The following MYBPC2 variants were observed in gnomAD, a reference collection of about 807,000 sequenced individuals.
The protein encoded by MYBPC2 is myosin binding protein C2, also known as myosin-binding protein C, fast-type.
MYBPC2 carries 122 observed loss-of-function variants against 137.0 expected under a neutral mutation model. The ratio of observed to expected loss-of-function variants is 0.89; its 90% CI spans 0.77 to 1.03. The LOEUF (loss-of-function observed/expected upper bound fraction) is 1.03, where lower values mean the gene tolerates loss of function less well. Ranked by LOEUF, MYBPC2 falls within the 50% of genes least tolerant of loss-of-function variation. MYBPC2 has a pLI of 0.00. For missense variants in MYBPC2, 1,500 were observed against 1,534.4 expected, an observed-to-expected ratio of 0.98 and a Z score of 0.37; for synonymous variants, 626 against 612.3, an observed-to-expected ratio of 1.02 and a Z score of -0.33.
chr19:50,439,471 T>C (rs1601282351), intron 7 of MYBPC2, among the ~76,000 whole-genome samples: 1 of 152,188 alleles, frequency 6.6e-6, no homozygotes, highest in Admixed American at 6.6e-5. Flanking sequence ...CCAAGCTCCA[T>C]CCATGCATTC....
intron 16 of MYBPC2, among the ~76,000 whole-genome samples, chr19:50,452,528 C>G (rs1568664680): frequency 2.6e-5 from 4 of 151,454 alleles, no homozygotes; most frequent in Non-Finnish European, 4.4e-5. Flanking sequence ...ATCTATCTAT[C>G]TATCTATCTA....
intron 9 of MYBPC2, among the ~76,000 whole-genome samples, chr19:50,443,251 A>G (rs2122587368): frequency 6.6e-6 from 1 of 152,174 alleles, no homozygotes; most frequent in East Asian, 1.9e-4. Context: ...TGGACCCAGG[A>G]AGTCTAGGTT....
intron 7 of MYBPC2, 34 bp from the exon 8 acceptor site, chr19:50,440,846 C>A: frequency 6.3e-7 from 1 of 1,583,012 alleles, no homozygotes; most frequent in Admixed American, 1.8e-5. Flanking sequence ...TTCCTCACTC[C>A]CTGATGGCCC....
At position 50,435,045 on chromosome 19, in the gene MYBPC2, G is replaced by A; in HGVS notation, c.20-116G>A. 2 of 674,620 alleles carry A rather than the reference G, an allele frequency of 3.0e-6. No homozygotes were observed. Among genetic ancestry groups the A allele is most frequent in the South Asian group, 1.6e-5 (1 of 63,862 alleles). The allele number at this position is 674,620 out of a possible 1,614,324, so 41.8% of individuals were successfully genotyped here. ...GGGTCTGAGGGAGGAGGGGCTGGGG[G>A]CCTGGACTCCTGGGTCTGAGGGAGG... On this transcript the variant is annotated intron_variant, in intron 1 of 27. Transcript: ENST00000357701. This position sits in a 1 kb window ranked among gnomAD's most constrained non-coding sequence, Gnocchi z 4.8.
At chr19:50,459,043 T>C in intron 22 of MYBPC2, 37 bp downstream of exon 22, 2 of 1,574,466 alleles carry the variant, frequency 1.3e-6, no homozygotes, top group Non-Finnish European at 1.7e-6. Flanking sequence ...GGGTCCGCTC[T>C]CGCCGCAAGC....
At chr19:50,449,954 G>C (rs75146873) in intron 13 of MYBPC2, among the ~76,000 whole-genome samples, 9,354 of 152,036 alleles carry the variant, frequency 0.062, 369 homozygotes, top group East Asian at 0.15. Flanking sequence ...TCAGGAGTTC[G>C]AGACCAGCCT....
chr19:50,446,986 TAAAAAAAA>T (rs529228553), intron 12 of MYBPC2, among the ~76,000 whole-genome samples: 1 of 130,042 alleles, frequency 7.7e-6, no homozygotes, highest in Non-Finnish European at 1.6e-5. Flanking sequence ...GACTCCGTCT[TAAAAAAAA>T]AAAAAAAAAA....
Position 50,435,893 on chromosome 19 carries a change from G to T in MYBPC2, c.196+31G>T, listed in dbSNP as rs763378971. 6 of 1,559,412 alleles carry T rather than the reference G, an allele frequency of 3.8e-6. No individual in the cohort carries two copies. The highest frequency in any genetic ancestry group is 5.2e-6 in the Non-Finnish European group (6 of 1,149,770). On this transcript the variant is annotated intron_variant, in intron 3 of 27. Coordinates refer to ENST00000357701, the MANE Select transcript of MYBPC2 (RefSeq NM_004533.4). The surrounding 1 kb of genome is among the most constrained non-coding windows in gnomAD (Gnocchi z 4.8). The stretch of plus-strand genomic sequence containing the variant: ...GGGAACCCGGGGGAGGAGGGGCTGC[G>T]GCCCGGACTCCTGGGTCTGAGGGAG...
In MYBPC2 at chr19:50,460,140, C is replaced by A; in HGVS notation, c.2892C>A (p.Ile964=). The A allele has an allele frequency of 6.3e-7, 1 of 1,590,568 alleles. No individual in the cohort carries two copies. Among genetic ancestry groups the A allele is most frequent in the Admixed American group, 1.8e-5 (1 of 55,556 alleles). Residue 964 remains isoleucine (I), a synonymous_variant, in exon 24 of 28, where the codon ATC becomes ATA. Transcript: ENST00000357701. ...CCAAAGATGATGGGAACAGTGAGATCATGGGGTATTTCGTCCAGAAAGCAG... is the reference window on the plus strand; with the variant it reads ...CCAAAGATGATGGGAACAGTGAGATAATGGGGTATTTCGTCCAGAAAGCAG... ...QAPKDDGNSE[I]MGYFVQKADK...
At chr19:50,451,056 G>A (rs1369603283) in intron 14 of MYBPC2, 121 bp downstream of exon 14, 25 of 1,050,850 alleles carry the variant, frequency 2.4e-5, no homozygotes, top group South Asian at 3.0e-5. Context: ...GACAGCAAGC[G>A]TCTGTCCCGC....
Position 50,440,874 on chromosome 19 carries a change from C to T in MYBPC2, c.573-6C>T, listed in dbSNP as rs371787098. ...GATGGCCCCTGTCCGTTCCCCCACC[C>T]GCCAGGGAGGTGGTGGAGGAGGAGA... On this transcript the variant is annotated splice_region_variant and splice_polypyrimidine_tract_variant and intron_variant, in intron 7 of 27. Transcript: ENST00000357701. 50 of 1,609,934 alleles carry T rather than the reference C, an allele frequency of 3.1e-5. No homozygotes were observed. In the East Asian group the frequency reaches 4.9e-4, roughly 16 times the overall value.
At chr19:50,445,825 C>G (rs2039798552) in intron 11 of MYBPC2, 55 bp from the exon 12 acceptor site, 2 of 1,523,664 alleles carry the variant, frequency 1.3e-6, no homozygotes, top group Admixed American at 4.0e-5. Context: ...CTCCAAGACC[C>G]AGACCGAGAG....
chr19:50,432,986 C>G lies in MYBPC2; in HGVS notation c.19+14C>G. ...AGGCAAAACCAGGTGGCGCCAGGAC[C>G]CCCTCCCTGTGTGGGGATGGGGCTC... On this transcript the variant is annotated intron_variant, in intron 1 of 27. Coordinates refer to ENST00000357701, the MANE Select transcript of MYBPC2 (RefSeq NM_004533.4). This position sits in a 1 kb window ranked among gnomAD's most constrained non-coding sequence, Gnocchi z 5.5. The G allele has an allele frequency of 6.3e-7, 1 of 1,593,254 alleles. No homozygotes were observed. Among genetic ancestry groups the G allele is most frequent in the Middle Eastern group, 1.9e-4 (1 of 5,350 alleles).
chr19:50,440,681 A>AAAC, intron 7 of MYBPC2, among the ~76,000 whole-genome samples, 199 bp from the exon 8 acceptor site: 2 of 151,424 alleles, frequency 1.3e-5, no homozygotes, highest in African/African-American at 4.9e-5. Flanking sequence ...AAAAAACCAA[A>AAAC]AAACCCAGTG....
chr19:50,459,231 G>A lies in MYBPC2; in HGVS notation c.2716G>A (p.Asp906Asn), dbSNP rs1305300844. The change falls in exon 23 of 28, where the codon GAC (aspartate) becomes AAC (asparagine). Residue 906 changes from aspartate to asparagine, a missense_variant. Physicochemically the swap from Asp to Asn is conservative, Grantham distance 23. Coordinates refer to ENST00000357701, the MANE Select transcript of MYBPC2 (RefSeq NM_004533.4). ...CTTCGTGCGCCAGGCGGCCCGCTCC[G>A]ACTCCGGGGAGTACGAGCTGAGCGT... ...VFFVRQAARS[D>N]SGEYELSVQI... 1 of 1,611,412 alleles carries A rather than the reference G, an allele frequency of 6.2e-7. No homozygotes were observed. The highest frequency in any genetic ancestry group is 8.5e-7 in the Non-Finnish European group (1 of 1,179,566).
Position 50,443,817 on chromosome 19 carries a change from GTAA to G in MYBPC2, c.1133+2_1133+4del. On this transcript the variant is annotated splice_donor_variant and splice_donor_region_variant and intron_variant, in intron 11 of 27. Transcript: ENST00000357701. LOFTEE classifies it high-confidence loss of function. ...CAGAAGAGGGTGCCCAGGTGATGTG[GTAA>G]GTGACCCTTGATCCCTGATCTCCAT... 6.2e-7 allele frequency: 1 copy of G among 1,612,756 alleles called. No homozygotes were observed. The highest frequency in any genetic ancestry group is 1.7e-5 in the Admixed American group (1 of 59,988).
chr19:50,444,835 G>A (rs540049291), intron 11 of MYBPC2, among the ~76,000 whole-genome samples: 130 of 139,516 alleles, frequency 9.3e-4, no homozygotes, highest in Non-Finnish European at 1.1e-3. Context: ...AGCCGAGATC[G>A]CGCCACTGCA....
intron 4 of MYBPC2, 102 bp from the exon 5 acceptor site, chr19:50,436,514 TG>T: frequency 9.6e-7 from 1 of 1,039,106 alleles, no homozygotes; most frequent in Non-Finnish European, 1.4e-6. Flanking sequence ...CCCTGTGGGG[TG>T]GGGGTGAGGA....
chr19:50,451,827 C>T, intron 15 of MYBPC2, 37 bp from the exon 16 acceptor site: 1 of 1,573,038 alleles, frequency 6.4e-7, no homozygotes, highest in Non-Finnish European at 8.6e-7. Flanking sequence ...CCCAGCCTCC[C>T]ACTCCCAGGG....
Sources: gnomAD v4.1 joint callset for allele counts (sites outside exome capture counted in the v4.1 genomes callset) on GRCh38, gnomAD v4.1.1 for gene constraint, Gnocchi (gnomAD v3.1) non-coding constraint, MANE v1.5 for transcripts, NCBI Gene and HGNC (gene_info 2026-07-23, HGNC 2026-07-21) for gene names.